RIPK1: variants seen among roughly 807,000 people sequenced by gnomAD.
The protein encoded by RIPK1 is receptor interacting serine/threonine kinase 1.
Under a neutral mutation model 62.4 loss-of-function variants are expected in RIPK1, and 27 were observed. The ratio of observed to expected loss-of-function variants is 0.43; its 90% CI spans 0.32 to 0.60. The LOEUF (loss-of-function observed/expected upper bound fraction) is 0.60. Among genes scored for constraint, RIPK1 ranks in the 20% least tolerant of loss-of-function variants. RIPK1 has a pLI of 0.07. For synonymous variants in RIPK1, 287 were observed against 303.2 expected, an observed-to-expected ratio of 0.95 and a Z score of 0.55; for missense variants, 735 against 831.0, an observed-to-expected ratio of 0.88 and a Z score of 1.42.
intron 1 of RIPK1, among the ~76,000 whole-genome samples, chr6:3,069,641 A>C (rs192275627): frequency 3.9e-5 from 6 of 152,232 alleles, no homozygotes; most frequent in Non-Finnish European, 8.8e-5. Flanking sequence ...TGAAATGTGC[A>C]ATGTCTTAGT....
intron 4 of RIPK1, 67 bp downstream of exon 4, chr6:3,081,183 C>T (rs2113597046): frequency 1.3e-6 from 2 of 1,537,042 alleles, no homozygotes; most frequent in Middle Eastern, 1.7e-4. Flanking sequence ...AATGTAAATC[C>T]ATTCTCGTAC....
rs753603621 is a variant in RIPK1 at position 3,110,874 on chromosome 6, G to C, written c.1648G>C (p.Gly550Arg). 2 of 1,607,328 alleles carry C rather than the reference G, an allele frequency of 1.2e-6. No homozygotes were observed. The highest frequency in any genetic ancestry group is 1.3e-5 in the African/African-American group (1 of 74,866). Residue 550 changes from glycine (G) to arginine (R), a missense_variant, in exon 10 of 11, where the codon GGT becomes CGT. Gly to Arg is a moderately radical substitution (Grantham distance 125). This residue lies in a region of RIPK1 where 671 missense variants were observed against 726.2 expected (regional missense o/e 0.92). Coordinates refer to ENST00000259808, the MANE Select transcript of RIPK1 (RefSeq NM_001354930.2). ...TGGAGCCTACAATTATATGGAGATTGGTGGGACGAGTTCATCACTACTAGA... is the reference window on the plus strand; with the variant it reads ...TGGAGCCTACAATTATATGGAGATTCGTGGGACGAGTTCATCACTACTAGA... ...QIGAYNYMEI[G>R]GTSSSLLDST...
At chr6:3,073,033 A>G (rs1758819910) in intron 1 of RIPK1, among the ~76,000 whole-genome samples, 1 of 152,164 alleles carries the variant, frequency 6.6e-6, no homozygotes, top group South Asian at 2.1e-4. Context: ...GGATAAACAC[A>G]TGTGGGCGGC....
At position 3,084,607 on chromosome 6, in the gene RIPK1, T is replaced by TTC. The variant is rs1554114457; in HGVS notation, c.689-652_689-651insTC. ...TTGTACATCCTTTTTTTTTTTTTTT[T>TTC]CCCGTGAGACAGAGTCTCATTCTGT... On this transcript the variant is annotated intron_variant, in intron 5 of 10. Transcript: ENST00000259808. Among the ~76,000 whole-genome samples, 50 of 150,704 alleles carry TTC rather than the reference T, an allele frequency of 3.3e-4. 1 individual carries two copies. The highest frequency in any genetic ancestry group is 4.1e-4 in the Non-Finnish European group (28 of 67,604).
chr6:3,080,484 T>C (rs971354751), intron 3 of RIPK1, among the ~76,000 whole-genome samples: 25 of 152,258 alleles, frequency 1.6e-4, no homozygotes, highest in Non-Finnish European at 4.4e-5. Context: ...TTGTAATCAG[T>C]GTGAACATGT....
upstream of RIPK1, among the ~76,000 whole-genome samples, chr6:3,065,264 C>CAAAAAAAAAAA (rs57722248): frequency 1.7e-4 from 7 of 40,620 alleles, no homozygotes; most frequent in African/African-American, 7.9e-4. Context: ...GACTCCGTCT[C>CAAAAAAAAAAA]AAAAAAAAAA....
rs777736749 is a variant in RIPK1 at position 3,076,899 on chromosome 6, G to A, written c.76G>A (p.Gly26Arg). Residue 26 changes from glycine to arginine, a missense_variant, in exon 2 of 11, where the codon GGA (glycine) becomes AGA (arginine). Gly to Arg is a moderately radical substitution (Grantham distance 125). Transcript: ENST00000259808. ...DFLESAELDS[G>R]GFGKVSLCFH... ...CCTGGAGAGTGCAGAACTGGACAGC[G>A]GAGGCTTTGGGAAGGTGTCTCTGTG... The A allele has an allele frequency of 1.4e-5, 22 of 1,610,970 alleles. No homozygotes were observed. Among genetic ancestry groups the A allele is most frequent in the South Asian group, 2.2e-5 (2 of 90,964 alleles).
chr6:3,094,580 C>CATATATATATATATATATATAT (rs370564571), intron 7 of RIPK1, among the ~76,000 whole-genome samples: 1 of 139,304 alleles, frequency 7.2e-6, no homozygotes, highest in Non-Finnish European at 1.5e-5. Context: ...ATAAATATTT[C>CATATATATATATATATATATAT]ATATATATAT....
intron 7 of RIPK1, among the ~76,000 whole-genome samples, 169 bp from the exon 8 acceptor site, chr6:3,104,056 T>A (rs182916739): frequency 6.6e-6 from 1 of 152,212 alleles, no homozygotes; most frequent in Non-Finnish European, 1.5e-5. Flanking sequence ...TTGTTCTTTT[T>A]AAAGATCATT....
intron 7 of RIPK1, among the ~76,000 whole-genome samples, chr6:3,090,711 C>T (rs1258606471): frequency 6.6e-6 from 1 of 152,064 alleles, no homozygotes; most frequent in Non-Finnish European, 1.5e-5. Flanking sequence ...ACATGACGAA[C>T]ACACTTGACG....
intron 6 of RIPK1, among the ~76,000 whole-genome samples, chr6:3,088,271 A>G (rs753182758): frequency 2.0e-5 from 3 of 152,248 alleles, no homozygotes; most frequent in Non-Finnish European, 2.9e-5. Context: ...ACCTAAGGTC[A>G]GAGGCTCCTC....
chr6:3,070,500 C>T (rs1406691892), intron 1 of RIPK1, among the ~76,000 whole-genome samples: 2 of 152,136 alleles, frequency 1.3e-5, no homozygotes, highest in East Asian at 1.9e-4. Flanking sequence ...TGCAGTGGCG[C>T]GATCGCGGCT....
At chr6:3,077,056 G>T (rs555383857) in intron 2 of RIPK1, 69 bp downstream of exon 2, 10 of 1,444,716 alleles carry the variant, frequency 6.9e-6, no homozygotes, top group Admixed American at 2.2e-5. Flanking sequence ...TTGTGGAGCC[G>T]TTGGCTGCTG....
At chr6:3,104,937 C>T (rs1007087347) in intron 8 of RIPK1, among the ~76,000 whole-genome samples, 3 of 152,078 alleles carry the variant, frequency 2.0e-5, no homozygotes, top group Non-Finnish European at 4.4e-5. Context: ...CTACAACCTC[C>T]GCCTTTCAGG....
At chr6:3,078,956 A>G (rs1355318902) in intron 3 of RIPK1, among the ~76,000 whole-genome samples, 4 of 151,756 alleles carry the variant, frequency 2.6e-5, no homozygotes, top group Admixed American at 2.6e-4. Context: ...TGTGTTGCCC[A>G]GGCTGGAGTG....
intron 7 of RIPK1, among the ~76,000 whole-genome samples, chr6:3,100,761 T>C (rs959522121): frequency 1.3e-5 from 2 of 151,722 alleles, no homozygotes; most frequent in Admixed American, 6.6e-5. Context: ...CAGCTAATTT[T>C]TTTGTACTTT....
chr6:3,072,772 T>C lies in RIPK1; in HGVS notation c.-60-3992T>C, dbSNP rs1250039374. On this transcript the variant is annotated intron_variant, in intron 1 of 10. Coordinates refer to ENST00000259808, the MANE Select transcript of RIPK1 (RefSeq NM_001354930.2). This position sits in a 1 kb window ranked among gnomAD's most constrained non-coding sequence, Gnocchi z 5.6. Reference sequence around the variant, plus strand: ...TCTGACACCTAACCAGGCAAGAAGTTGGAAGAATATGGCCTAAGAGGGTGG... The same window carrying C: ...TCTGACACCTAACCAGGCAAGAAGTCGGAAGAATATGGCCTAAGAGGGTGG... 6.6e-6 allele frequency among the ~76,000 whole-genome samples: 1 copy of C among 152,184 alleles called. No homozygotes were observed. The highest frequency in any genetic ancestry group is 6.5e-5 in the Admixed American group (1 of 15,270).
rs1223637496 is a variant in RIPK1 at position 3,105,048 on chromosome 6, C to T, written c.1007-434C>T. Among the ~76,000 whole-genome samples the T allele has an allele frequency of 3.3e-5, 5 of 152,202 alleles. No homozygotes were observed. Among genetic ancestry groups the T allele is most frequent in the South Asian group, 2.1e-4 (1 of 4,824 alleles). ...TGTATTTTCAGTAGAGATGGGGTTT[C>T]GCCATGTTGGCCAGGCTGGTCTCGA... On this transcript the variant is annotated intron_variant, in intron 8 of 10. Coordinates refer to ENST00000259808, the MANE Select transcript of RIPK1 (RefSeq NM_001354930.2). This position sits in a 1 kb window ranked among gnomAD's most constrained non-coding sequence, Gnocchi z 4.5.
intron 7 of RIPK1, among the ~76,000 whole-genome samples, chr6:3,103,625 C>T (rs925586185): frequency 6.6e-6 from 1 of 152,120 alleles, no homozygotes; most frequent in African/African-American, 2.4e-5. Flanking sequence ...CTTTGATGCA[C>T]AGAAGCTTTT....
Sources: gnomAD v4.1 joint callset for allele counts (sites outside exome capture counted in the v4.1 genomes callset) on GRCh38, gnomAD v4.1.1 for gene constraint, gnomAD v4.1.1 regional missense constraint, Gnocchi (gnomAD v3.1) non-coding constraint, MANE v1.5 for transcripts, NCBI Gene and HGNC (gene_info 2026-07-23, HGNC 2026-07-21) for gene names.